Variants in CDAN1 observed in about 807,000 individuals in gnomAD.
CDAN1 encodes the protein codanin 1.
A neutral mutation model predicts 139.8 loss-of-function variants in CDAN1; 107 were observed. That is an observed-to-expected ratio of 0.77 (90% confidence interval 0.65 to 0.90). The LOEUF is 0.90. Ranked by LOEUF, CDAN1 falls within the 40% of genes least tolerant of loss-of-function variation. CDAN1 has a pLI of 0.00. For synonymous variants in CDAN1, 776 were observed against 660.6 expected (o/e 1.17, Z -2.68); for missense variants, 1,667 against 1,575.7 (o/e 1.06, Z -0.98).
chr15:42,730,167 G>A lies in CDAN1; in HGVS notation c.2223C>T (p.Asn741=), dbSNP rs1322431268. 7 of 1,614,104 alleles carry A rather than the reference G, an allele frequency of 4.3e-6. No individual in the cohort carries two copies. The highest frequency in any genetic ancestry group is 5.1e-6 in the Non-Finnish European group (6 of 1,180,050). The part of the protein sequence containing the change: ...QESEGKMCFL[N]KLLLLAVLGW... ...CCAGGACAGCAAGTAGCAGCAGCTT[G>A]TTCAGGAAACACATCTTCCCCTCAC... is the stretch of plus-strand genomic sequence containing the variant. The change falls in exon 15 of 28, where the codon AAC becomes AAT. Residue 741 remains asparagine (N), a synonymous_variant. Coordinates refer to ENST00000356231, the MANE Select transcript of CDAN1 (RefSeq NM_138477.4).
In CDAN1 at chr15:42,726,325, C is replaced by A; in HGVS notation, c.3189G>T (p.Thr1063=). ...CACAGCTCACCTGGCGGCACCGCAG[C>A]GTCTGGCCCAGCTGGCCTAGGAGCT... The part of the protein sequence containing the change: ...LEQLLGQLGQ[T]LRCRQFLCPP... The change falls in exon 24 of 28, where the codon ACG becomes ACT. Residue 1063 remains threonine, a synonymous_variant. Coordinates refer to ENST00000356231, the MANE Select transcript of CDAN1 (RefSeq NM_138477.4). The A allele has an allele frequency of 1.3e-6, 2 of 1,589,794 alleles. No individual in the cohort carries two copies. The highest frequency in any genetic ancestry group is 1.7e-6 in the Non-Finnish European group (2 of 1,168,196).
chr15:42,729,713 C>G, intron 16 of CDAN1, 83 bp downstream of exon 16: 1 of 1,590,576 alleles, frequency 6.3e-7, no homozygotes, highest in Non-Finnish European at 8.6e-7. Flanking sequence ...AGGGTTACAT[C>G]TGCCCCTGGC....
intron 19 of CDAN1, 52 bp downstream of exon 19, chr15:42,728,956 TAGCAACTGAGGAAAA>T (rs2061570247): frequency 6.4e-7 from 1 of 1,571,708 alleles, no homozygotes; most frequent in Non-Finnish European, 8.8e-7. Context: ...CTTCTCAGTT[TAGCAACTGAGGAAAA>T]AGGGGAAAAA....
chr15:42,725,667 G>A lies in CDAN1; in HGVS notation c.3272C>T (p.Ala1091Val). ...GGGCCCTAGGATAGGAATTTGATCT[G>A]CAACTGTGGAAAGAGGAAAGCCAAG... ...CSVELASLLV[A>V]DQIPILGPPA... The change falls in exon 26 of 28, where the codon GCA becomes GTA. Residue 1091 changes from alanine to valine, a missense_variant. Physicochemically the swap from Ala to Val is moderately conservative, Grantham distance 64 (BLOSUM62 0). Transcript: ENST00000356231. The A allele has an allele frequency of 3.1e-6, 5 of 1,614,016 alleles. No homozygotes were observed. Among genetic ancestry groups the A allele is most frequent in the South Asian group, 1.1e-5 (1 of 91,070 alleles).
chr15:42,737,061 C>G lies in CDAN1; in HGVS notation c.42G>C (p.Ser14=). 1 of 1,543,660 alleles carries G rather than the reference C, an allele frequency of 6.5e-7. No individual in the cohort carries two copies. Among genetic ancestry groups the G allele is most frequent in the East Asian group, 2.5e-5 (1 of 40,368 alleles). The part of the protein sequence containing the change: ...VLESLLREEV[S]VAAVVRWIAR... ...CGATCCACCGCACGACGGCTGCGAC[C>G]GACACCTCTTCTCGCAGCAGCGACT... is the stretch of plus-strand genomic sequence containing the variant. The change falls in exon 1 of 28, where the codon TCG becomes TCC. Residue 14 remains serine (S), a synonymous_variant. Coordinates refer to ENST00000356231, the MANE Select transcript of CDAN1 (RefSeq NM_138477.4).
chr15:42,724,846 CTGAGTGCATCTACTTCATCT>C, intron 27 of CDAN1: 1 of 613,660 alleles, frequency 1.6e-6, no homozygotes, highest in Non-Finnish European at 2.9e-6. Context: ...TTGAGTACTA[CTGAGTGCATCTACTTCATCT>C]TGAAATTATT....
chr15:42,735,568 T>A lies in CDAN1; in HGVS notation c.885A>T (p.Arg295Ser), dbSNP rs1216569633. 5.0e-6 allele frequency: 8 copies of A among 1,614,152 alleles called. No individual in the cohort carries two copies. The highest frequency in any genetic ancestry group is 6.8e-6 in the Non-Finnish European group (8 of 1,180,008). ...SLTDEPADPA[R>S]VSSRQRLELV... ...GCTCCAGGCGCTGGCGGGAAGACACTCTGGCAGGGTCTGCAGGTTCATCTG... is the reference window on the plus strand; with the variant it reads ...GCTCCAGGCGCTGGCGGGAAGACACACTGGCAGGGTCTGCAGGTTCATCTG... Residue 295 changes from arginine (R) to serine (S), a missense_variant, in exon 4 of 28, where the codon AGA becomes AGT. Coordinates refer to ENST00000356231, the MANE Select transcript of CDAN1 (RefSeq NM_138477.4).
At position 42,730,130 on chromosome 15, in the gene CDAN1, G is replaced by A; in HGVS notation, c.2260C>T (p.Gln754Ter). The A allele has an allele frequency of 1.2e-6, 2 of 1,613,980 alleles. No homozygotes were observed. Among genetic ancestry groups the A allele is most frequent in the Non-Finnish European group, 1.7e-6 (2 of 1,179,870 alleles). Residue 754 changes from glutamine (Q) to a stop codon, truncating the protein, a stop_gained and splice_region_variant, in exon 15 of 28, where the codon CAG becomes TAG. Transcript: ENST00000356231. LOFTEE classifies it high-confidence loss of function. The part of the protein sequence containing the change: ...LLLAVLGWLF[Q>*]IPTVPEDLFF... ...ATCTGGACCCTCACTCTGCCCACCTGGAAAAGCCAGCCCAGGACAGCAAGT... is the reference window on the plus strand; with the variant it reads ...ATCTGGACCCTCACTCTGCCCACCTAGAAAAGCCAGCCCAGGACAGCAAGT...
Position 42,725,266 on chromosome 15 carries a change from G to GCAA in CDAN1, c.3451-16_3451-15insTTG, listed in dbSNP as rs2061508896. 6.2e-7 allele frequency: 1 copy of GCAA among 1,610,936 alleles called. No homozygotes were observed. Among genetic ancestry groups the GCAA allele is most frequent in the Admixed American group, 1.7e-5 (1 of 60,004 alleles). On this transcript the variant is annotated splice_polypyrimidine_tract_variant and intron_variant, in intron 26 of 27. Coordinates refer to ENST00000356231, the MANE Select transcript of CDAN1 (RefSeq NM_138477.4). ...AGCAAGTCCCACTGCAAAACACACC[G>GCAA]AGGTCAGGGTTGCTAGGAGGACGAC...
rs2061559280 is a variant in CDAN1 at position 42,728,251 on chromosome 15, T to TCG, written c.2820_2821insCG (p.Ser941ArgfsTer19). 1 of 1,613,480 alleles carries TCG rather than the reference T, an allele frequency of 6.2e-7. No homozygotes were observed. On this transcript the variant is annotated frameshift_variant, in exon 21 of 28. Coordinates refer to ENST00000356231, the MANE Select transcript of CDAN1 (RefSeq NM_138477.4). LOFTEE classifies it high-confidence loss of function. ...AGCAGCGCCCGCACAGCCCCAGGGC[T>TCG]CTTCCTTTGACAGAACCTAAAAGGG...
At position 42,736,775 on chromosome 15, in the gene CDAN1, G is replaced by T. The variant is rs2061694533; in HGVS notation, c.96C>A (p.Asn32Lys). 1 of 1,541,346 alleles carries T rather than the reference G, an allele frequency of 6.5e-7. No homozygotes were observed. Among genetic ancestry groups the T allele is most frequent in the Non-Finnish European group, 8.7e-7 (1 of 1,150,246 alleles). ...IARSTQGSED[N>K]AGEAAALSSL... The stretch of plus-strand genomic sequence containing the variant: ...AGCTCAGCGCGGCCGCCTCCCCAGC[G>T]TTATCCTAGGGCAGAAGCACAGGTG... The change falls in exon 2 of 28, where the codon AAC (asparagine) becomes AAA (lysine). Residue 32 changes from asparagine to lysine, a missense_variant. Asn to Lys is a moderately conservative substitution (Grantham distance 94, BLOSUM62 0). Coordinates refer to ENST00000356231, the MANE Select transcript of CDAN1 (RefSeq NM_138477.4).
chr15:42,724,981 G>A, intron 27 of CDAN1, 163 bp downstream of exon 27: 1 of 709,812 alleles, frequency 1.4e-6, no homozygotes, highest in South Asian at 1.5e-5. Flanking sequence ...CACTAACACA[G>A]TCCCTCATAT....
chr15:42,725,256 A>G lies in CDAN1; in HGVS notation c.3451-5T>C. On this transcript the variant is annotated splice_polypyrimidine_tract_variant and splice_region_variant and intron_variant, in intron 26 of 27. Coordinates refer to ENST00000356231, the MANE Select transcript of CDAN1 (RefSeq NM_138477.4). Reference sequence around the variant, plus strand: ...CAAGAATAGCAGCAAGTCCCACTGCAAAACACACCGAGGTCAGGGTTGCTA... The same window carrying G: ...CAAGAATAGCAGCAAGTCCCACTGCGAAACACACCGAGGTCAGGGTTGCTA... The G allele has an allele frequency of 6.2e-7, 1 of 1,613,668 alleles. No homozygotes were observed. The highest frequency in any genetic ancestry group is 8.5e-7 in the Non-Finnish European group (1 of 1,179,540).
At position 42,731,305 on chromosome 15, in the gene CDAN1, T is replaced by C. The variant is rs148074362; in HGVS notation, c.1766A>G (p.Asp589Gly). The change falls in exon 12 of 28, where the codon GAC becomes GGC. Residue 589 changes from aspartate to glycine, a missense_variant. Asp to Gly is a moderately conservative substitution (Grantham distance 94). Coordinates refer to ENST00000356231, the MANE Select transcript of CDAN1 (RefSeq NM_138477.4). ...SSFQFNQHLMDSLSLKIQELN... is the reference protein window; with the variant it reads ...SSFQFNQHLMGSLSLKIQELN... ...CTCCTGGATCTTCAAGCTCAGACTG[T>C]CCATGAGATGCTGGTTAAACTGGAA... 205 of 1,613,920 alleles carry C rather than the reference T, an allele frequency of 1.3e-4. No individual in the cohort carries two copies. Among genetic ancestry groups the C allele is most frequent in the Middle Eastern group, 4.9e-4 (3 of 6,084 alleles).
intron 13 of CDAN1, 25 bp from the exon 14 acceptor site, chr15:42,730,789 G>A (rs1000018091): frequency 1.2e-6 from 2 of 1,612,482 alleles, no homozygotes; most frequent in African/African-American, 2.7e-5. Flanking sequence ...GCTCAGTCAG[G>A]GGGCAGGTCC....
intron 26 of CDAN1, 107 bp from the exon 27 acceptor site, chr15:42,725,358 G>GGCTCC: frequency 6.8e-7 from 1 of 1,460,408 alleles, no homozygotes; most frequent in South Asian, 1.1e-5. Context: ...ACTTGAGATG[G>GGCTCC]ATAAATGGAG....
In CDAN1 at chr15:42,735,682, A is replaced by G. The variant is rs756901380; in HGVS notation, c.774-3T>C. ...GTGACTGCTGCAGCTGCTTAGAGCTATGGAATAAAGAAATTTCATGAGCAG... is the reference window on the plus strand; with the variant it reads ...GTGACTGCTGCAGCTGCTTAGAGCTGTGGAATAAAGAAATTTCATGAGCAG... On this transcript the variant is annotated splice_polypyrimidine_tract_variant and splice_region_variant and intron_variant, in intron 3 of 27. Coordinates refer to ENST00000356231, the MANE Select transcript of CDAN1 (RefSeq NM_138477.4). 3 of 1,613,816 alleles carry G rather than the reference A, an allele frequency of 1.9e-6. No individual in the cohort carries two copies. The highest frequency in any genetic ancestry group is 1.7e-4 in the Middle Eastern group (1 of 6,060).
chr15:42,735,755 G>A, intron 3 of CDAN1, 76 bp from the exon 4 acceptor site: 8 of 1,586,904 alleles, frequency 5.0e-6, no homozygotes, highest in Non-Finnish European at 6.9e-6. Flanking sequence ...CTCCAGAGAA[G>A]ATACCAACAG....
rs1261364370 is a variant in CDAN1, at chr15:42,735,377, A to G, written c.944-3T>C. On this transcript the variant is annotated splice_polypyrimidine_tract_variant and splice_region_variant and intron_variant, in intron 4 of 27. Coordinates refer to ENST00000356231, the MANE Select transcript of CDAN1 (RefSeq NM_138477.4). ...GAAGAGGTTTGGTACCAGGTTCTCT[A>G]GATAGATACAAAAAGAAAGCCCATG... 6.2e-7 allele frequency: 1 copy of G among 1,600,220 alleles called. No homozygotes were observed. Among genetic ancestry groups the G allele is most frequent in the Admixed American group, 1.7e-5 (1 of 57,916 alleles).
Sources: allele counts gnomAD v4.1 joint callset, GRCh38; gene constraint gnomAD v4.1.1; transcripts MANE v1.5; gene names NCBI Gene and HGNC (gene_info 2026-07-23, HGNC 2026-07-21).